The following FHIT variants were observed in gnomAD, a reference collection of about 807,000 sequenced individuals.
FHIT encodes the protein bis(5'-adenosyl)-triphosphatase.
Under a neutral mutation model 17.9 loss-of-function variants are expected in FHIT, and 19 were observed. The ratio of observed to expected loss-of-function variants is 1.06; its 90% CI spans 0.74 to 1.56. The LOEUF (loss-of-function observed/expected upper bound fraction) is 1.56. Ranked by LOEUF, FHIT falls within the 40% of genes most tolerant of loss-of-function variation. FHIT has a pLI of 0.00. For synonymous variants in FHIT, 81 were observed against 69.7 expected, an observed-to-expected ratio of 1.16 and a Z score of -0.81; for missense variants, 248 against 189.2, an observed-to-expected ratio of 1.31 and a Z score of -1.82.
intron 8 of FHIT, among the ~76,000 whole-genome samples, chr3:59,755,348 G>C (rs1385514776): frequency 1.3e-5 from 2 of 152,196 alleles, no homozygotes; most frequent in Non-Finnish European, 2.9e-5. Context: ...TTGTGTCCTA[G>C]AAGATCCATC....
chr3:60,417,557 A>G (rs1702297320), intron 5 of FHIT, among the ~76,000 whole-genome samples: 1 of 152,226 alleles, frequency 6.6e-6, no homozygotes, highest in South Asian at 2.1e-4. Flanking sequence ...AAGAACACAT[A>G]ATTAAAAGCA....
chr3:60,339,955 T>C (rs1341285536), intron 5 of FHIT, among the ~76,000 whole-genome samples: 2 of 152,210 alleles, frequency 1.3e-5, no homozygotes, highest in Non-Finnish European at 2.9e-5. Context: ...AATCACTCAC[T>C]GGAAGACCTA....
intron 5 of FHIT, among the ~76,000 whole-genome samples, chr3:60,424,534 T>C (rs1290780651): frequency 6.6e-6 from 1 of 152,126 alleles, no homozygotes; most frequent in Non-Finnish European, 1.5e-5. Context: ...TTCCAATCAG[T>C]CACAATCTCT....
intron 5 of FHIT, among the ~76,000 whole-genome samples, chr3:60,150,051 A>T (rs1437599804): frequency 8.2e-6 from 1 of 121,884 alleles, no homozygotes; most frequent in Non-Finnish European, 1.6e-5. Context: ...GCTGGAGTGC[A>T]GTGGCGCAAT....
chr3:60,453,478 CATAG>C (rs954488031), intron 5 of FHIT, among the ~76,000 whole-genome samples: 5 of 152,094 alleles, frequency 3.3e-5, no homozygotes, highest in African/African-American at 1.2e-4. Context: ...TAGGATGCAA[CATAG>C]ATAGATGTGG....
chr3:60,411,556 T>C (rs1000813035), intron 5 of FHIT, among the ~76,000 whole-genome samples: 2 of 152,284 alleles, frequency 1.3e-5, no homozygotes, highest in East Asian at 3.9e-4. Context: ...TGGCAATATA[T>C]TGGCTGATCT....
At chr3:60,393,753 T>C (rs1212359115) in intron 5 of FHIT, among the ~76,000 whole-genome samples, 1 of 152,080 alleles carries the variant, frequency 6.6e-6, no homozygotes, top group Non-Finnish European at 1.5e-5. Flanking sequence ...ATGGAAAAAA[T>C]GAGGCCTCTG....
chr3:60,420,018 T>C lies in FHIT; in HGVS notation c.103+116842A>G, dbSNP rs143876107. 4.7e-3 allele frequency among the ~76,000 whole-genome samples: 723 copies of C among 152,280 alleles called. 10 individuals carry two copies. Among genetic ancestry groups the C allele is most frequent in the African/African-American group, 0.017 (698 of 41,558 alleles). On this transcript the variant is annotated intron_variant, in intron 5 of 9. Transcript: ENST00000492590. The stretch of plus-strand genomic sequence containing the variant: ...TCCTTCTAGTCCTTATAAATGTACA[T>C]AACTAAAGGTTCTGGGTCAAGGGGT...
At chr3:59,789,582 A>C (rs1173150185) in intron 8 of FHIT, among the ~76,000 whole-genome samples, 3 of 152,242 alleles carry the variant, frequency 2.0e-5, no homozygotes, top group African/African-American at 7.2e-5. Context: ...CTTTTAAATC[A>C]GGAATTTTCC....
At position 60,487,689 on chromosome 3, in the gene FHIT, C is replaced by A. The variant is rs111462343; in HGVS notation, c.103+49171G>T. ...AAAGTTGCTAACGCAGGGAAATAAG[C>A]CTATCAGAAATTCAAAACACTTCAT... is the stretch of plus-strand genomic sequence containing the variant. On this transcript the variant is annotated intron_variant, in intron 5 of 9. Coordinates refer to ENST00000492590, the MANE Select transcript of FHIT (RefSeq NM_002012.4). Among the ~76,000 whole-genome samples, 364 of 152,276 alleles carry A rather than the reference C, an allele frequency of 2.4e-3. 2 individuals carry two copies. The highest frequency in any genetic ancestry group is 8.4e-3 in the African/African-American group (348 of 41,560).
At chr3:61,068,260 G>T (rs143276087) in intron 2 of FHIT, among the ~76,000 whole-genome samples, 3 of 152,154 alleles carry the variant, frequency 2.0e-5, no homozygotes, top group African/African-American at 7.2e-5. Flanking sequence ...AGTCTCTAAG[G>T]AAGAATGTTT....
intron 5 of FHIT, among the ~76,000 whole-genome samples, chr3:60,494,414 A>G (rs191870776): frequency 7.0e-6 from 1 of 143,318 alleles, no homozygotes; most frequent in Non-Finnish European, 1.5e-5. Context: ...TGTAATAATC[A>G]CATCATGTAA....
intron 1 of FHIT, among the ~76,000 whole-genome samples, chr3:61,207,195 T>G (rs1016845980): frequency 7.9e-5 from 12 of 152,324 alleles, no homozygotes; most frequent in South Asian, 2.1e-4. Flanking sequence ...GATAAGCTTT[T>G]TGATGTGCTG....
intron 7 of FHIT, among the ~76,000 whole-genome samples, chr3:59,994,743 A>G (rs1699434013): frequency 6.6e-6 from 1 of 152,112 alleles, no homozygotes; most frequent in South Asian, 2.1e-4. Flanking sequence ...CAAACTGGTT[A>G]CAAAGGGTCG....
intron 4 of FHIT, among the ~76,000 whole-genome samples, chr3:60,569,675 G>A (rs1576897853): frequency 7.0e-6 from 1 of 143,302 alleles, no homozygotes. Context: ...CTCAATGGCA[G>A]TACTTCCCAA....
intron 2 of FHIT, among the ~76,000 whole-genome samples, chr3:61,084,269 T>A (rs2035238372): frequency 6.6e-6 from 1 of 152,248 alleles, no homozygotes; most frequent in Non-Finnish European, 1.5e-5. Context: ...TCCATTAATC[T>A]ATTGCTATTT....
At chr3:60,700,542 GA>G (rs1393374813) in intron 4 of FHIT, among the ~76,000 whole-genome samples, 2 of 146,782 alleles carry the variant, frequency 1.4e-5, no homozygotes, top group Non-Finnish European at 3.0e-5. Context: ...TATTTGTCTT[GA>G]TTTTTTTTTG....
intron 3 of FHIT, among the ~76,000 whole-genome samples, chr3:60,870,173 T>C (rs1553754727): frequency 6.6e-6 from 1 of 152,088 alleles, no homozygotes; most frequent in South Asian, 2.1e-4. Flanking sequence ...AACAGTAAAG[T>C]GCATGCCCAC....
At chr3:60,264,965 C>A (rs923239761) in intron 5 of FHIT, among the ~76,000 whole-genome samples, 1 of 151,840 alleles carries the variant, frequency 6.6e-6, no homozygotes, top group Non-Finnish European at 1.5e-5. Context: ...GCGCTTTACA[C>A]ATAAAAAGAA....
Sources: allele counts gnomAD v4.1 joint callset (sites outside exome capture counted in the v4.1 genomes callset), GRCh38; gene constraint gnomAD v4.1.1; transcripts MANE v1.5; gene names NCBI Gene and HGNC (gene_info 2026-07-23, HGNC 2026-07-21).